Variants in NUP98 observed in about 807,000 individuals in gnomAD.
NUP98 encodes nuclear pore complex protein Nup98-Nup96.
A neutral mutation model predicts 191.9 loss-of-function variants in NUP98; 26 were observed. That is an observed-to-expected ratio of 0.14 (90% CI 0.10 to 0.19). The LOEUF (loss-of-function observed/expected upper bound fraction) is 0.19, where lower values mean the gene tolerates loss of function less well. NUP98 is among the 10% of genes least tolerant of loss of function. The probability of loss-of-function intolerance (pLI) is 1.00; values close to 1 mark genes in which losing one functional copy is unlikely to be tolerated. For missense variants in NUP98, 1,941 were observed against 2,178.8 expected (o/e 0.89, Z 2.17); for synonymous variants, 808 against 778.4 (o/e 1.04, Z -0.63).
Position 3,723,144 on chromosome 11 carries a change from A to G in NUP98, c.2146+13T>C, listed in dbSNP as rs751412280. 4.7e-5 allele frequency: 76 copies of G among 1,612,134 alleles called. No homozygotes were observed. Among genetic ancestry groups the G allele is most frequent in the Non-Finnish European group, 5.9e-5 (70 of 1,178,732 alleles). ...CTGGTAAGAGATTAAACATGCACCA[A>G]TCTGAACCTGACCTGCTGGGTGCAT... On this transcript the variant is annotated intron_variant, in intron 16 of 32. Coordinates refer to ENST00000324932, the MANE Select transcript of NUP98 (RefSeq NM_016320.5).
chr11:3,737,879 GTTT>G (rs75865492), intron 12 of NUP98, among the ~76,000 whole-genome samples: 1 of 142,418 alleles, frequency 7.0e-6, no homozygotes. Context: ...ATAAAGAAAA[GTTT>G]TTTTTTTTTT....
At chr11:3,788,626 A>T (rs1256560212) in intron 1 of NUP98, among the ~76,000 whole-genome samples, 1 of 152,040 alleles carries the variant, frequency 6.6e-6, no homozygotes, top group Non-Finnish European at 1.5e-5. Context: ...TCTAAAAGTG[A>T]AAGGATATAT....
rs1211314862 is a variant in NUP98, at chr11:3,797,490, C to CGCCGCCGCTACCACCCCTGCCACCG, written c.-144_-120dup. 1.6e-5 allele frequency: 7 copies of CGCCGCCGCTACCACCCCTGCCACCG among 433,156 alleles called. No homozygotes were observed. The highest frequency in any genetic ancestry group is 1.0e-4 in the African/African-American group (5 of 48,716). The allele number at this position is 433,156 out of a possible 1,614,324, so 26.8% of individuals were successfully genotyped here. Reference sequence around the variant, plus strand: ...CGCGCGGCCCCCACGAAACCGTCGCCGCCGCCGCTACCACCCCTGCCACCG... The same window carrying CGCCGCCGCTACCACCCCTGCCACCG: ...CGCGCGGCCCCCACGAAACCGTCGCCGCCGCCGCTACCACCCCTGCCACCGGCCGCCGCTACCACCCCTGCCACCG... On this transcript the variant is annotated 5_prime_UTR_variant, in exon 1 of 33. Transcript: ENST00000324932.
intron 28 of NUP98, among the ~76,000 whole-genome samples, chr11:3,691,030 C>T (rs1264923913): frequency 2.0e-5 from 3 of 152,114 alleles, no homozygotes; most frequent in Admixed American, 6.6e-5. Flanking sequence ...TGCAAAGGGG[C>T]ACACAGGCAT....
intron 7 of NUP98, among the ~76,000 whole-genome samples, chr11:3,769,576 A>C (rs1033838894): frequency 1.0e-4 from 8 of 76,692 alleles, no homozygotes; most frequent in African/African-American, 4.9e-4. Flanking sequence ...ATTCTGTCTC[A>C]AAAAAAAAAA....
chr11:3,791,006 C>T (rs1189756116), intron 1 of NUP98, among the ~76,000 whole-genome samples: 1 of 151,786 alleles, frequency 6.6e-6, no homozygotes, highest in African/African-American at 2.4e-5. Flanking sequence ...CGACATTCTC[C>T]TGCGTCAGCC....
At chr11:3,764,800 G>C (rs774233324) in intron 8 of NUP98, among the ~76,000 whole-genome samples, 5 of 152,156 alleles carry the variant, frequency 3.3e-5, no homozygotes, top group Admixed American at 1.3e-4. Context: ...GGCTAATCTC[G>C]AACTCCTGAC....
intron 18 of NUP98, among the ~76,000 whole-genome samples, chr11:3,718,203 T>C (rs1453703452): frequency 6.6e-6 from 1 of 152,154 alleles, no homozygotes; most frequent in Non-Finnish European, 1.5e-5. Flanking sequence ...TTCTAGGTTT[T>C]TCTTTTTTGA....
Position 3,675,741 on chromosome 11 carries a change from T to C in NUP98, c.*418A>G. The C allele has an allele frequency of 3.3e-6, 1 of 300,406 alleles. No homozygotes were observed. The highest frequency in any genetic ancestry group is 6.3e-6 in the Non-Finnish European group (1 of 159,160). 18.6% of individuals were successfully genotyped at this position (300,406 alleles called of 1,614,324 possible). A position where few individuals can be genotyped will look rare whatever the true frequency, so the allele number is the denominator to read the frequency against. On this transcript the variant is annotated 3_prime_UTR_variant, in exon 33 of 33. Coordinates refer to ENST00000324932, the MANE Select transcript of NUP98 (RefSeq NM_016320.5). ...GATAGTTCATCTGTTAAGGATCCAT[T>C]ATCACCTGTCTCACTCCTCCTAAGG...
At position 3,725,115 on chromosome 11, in the gene NUP98, T is replaced by A; in HGVS notation, c.1835A>T (p.Glu612Val). 2 of 1,497,200 alleles carry A rather than the reference T, an allele frequency of 1.3e-6. No individual in the cohort carries two copies. The highest frequency in any genetic ancestry group is 1.9e-6 in the Non-Finnish European group (2 of 1,074,624). 92.7% of individuals were successfully genotyped at this position (1,497,200 alleles called of 1,614,324 possible). A position where few individuals can be genotyped will look rare whatever the true frequency, so the allele number is the denominator to read the frequency against. Reference protein sequence around the residue: ...ENLASPSEYPENGERFSFLSK... With the variant: ...ENLASPSEYPVNGERFSFLSK... ...GAATTCAGTGTACCTCTCTCCATTT[T>A]CTGGATATTCAGATGGTGAAGCTAG... Residue 612 changes from glutamate to valine, a missense_variant, in exon 15 of 33, where the codon GAA becomes GTA. Glu to Val is a moderately radical substitution (Grantham distance 121). Around this residue, in one of 6 missense-constraint regions of NUP98, gnomAD observed 453 missense variants for 438.2 expected, o/e 1.03. Coordinates refer to ENST00000324932, the MANE Select transcript of NUP98 (RefSeq NM_016320.5).
chr11:3,733,901 C>T (rs1259605428), intron 13 of NUP98, among the ~76,000 whole-genome samples: 1 of 152,184 alleles, frequency 6.6e-6, no homozygotes, highest in Non-Finnish European at 1.5e-5. Context: ...TGCACATATT[C>T]AGCTACCTAA....
At chr11:3,795,527 A>G (rs1589999999) in intron 1 of NUP98, among the ~76,000 whole-genome samples, 3 of 152,290 alleles carry the variant, frequency 2.0e-5, no homozygotes, top group East Asian at 3.9e-4. Context: ...TCTGGGCCCC[A>G]TATTTCAGGA....
chr11:3,698,217 A>T (rs1264136714), intron 25 of NUP98, among the ~76,000 whole-genome samples: 1 of 152,226 alleles, frequency 6.6e-6, no homozygotes, highest in African/African-American at 2.4e-5. Flanking sequence ...AAAGTTCACA[A>T]GCATATGTCA....
At chr11:3,702,387 G>C (rs2078732942) in intron 23 of NUP98, 76 bp downstream of exon 23, 1 of 996,290 alleles carries the variant, frequency 1.0e-6, no homozygotes, top group Non-Finnish European at 1.5e-6. Context: ...TGACAAAGCA[G>C]GGCCCTATCC....
rs115923623 is a variant in NUP98, at chr11:3,779,997, G to C, written c.77-740C>G. Among the ~76,000 whole-genome samples, 631 of 152,244 alleles carry C rather than the reference G, an allele frequency of 4.1e-3. 2 individuals are homozygous for C. Among genetic ancestry groups the C allele is most frequent in the African/African-American group, 0.014 (593 of 41,544 alleles). ...TCAGAAAAATTAGTGACACTCCGTAGTCACTGAGATAAATGGTCTTTCATT... is the reference window on the plus strand; with the variant it reads ...TCAGAAAAATTAGTGACACTCCGTACTCACTGAGATAAATGGTCTTTCATT... On this transcript the variant is annotated intron_variant, in intron 2 of 32. Coordinates refer to ENST00000324932, the MANE Select transcript of NUP98 (RefSeq NM_016320.5).
At chr11:3,771,687 T>C in intron 7 of NUP98, 61 bp downstream of exon 7, 5 of 1,457,862 alleles carry the variant, frequency 3.4e-6, no homozygotes, top group East Asian at 2.3e-5. Context: ...ATGGCAATTA[T>C]GTTTTAGTTT....
chr11:3,706,358 T>C, intron 21 of NUP98, 87 bp downstream of exon 21: 1 of 1,258,822 alleles, frequency 7.9e-7, no homozygotes, highest in Non-Finnish European at 1.1e-6. Context: ...ATGATCTTAA[T>C]AACCAAGGAA....
At chr11:3,708,843 T>G (rs190514981) in intron 20 of NUP98, among the ~76,000 whole-genome samples, 1 of 152,298 alleles carries the variant, frequency 6.6e-6, no homozygotes, top group East Asian at 1.9e-4. Flanking sequence ...AGGACACCAT[T>G]TTAACTCTCC....
Position 3,713,957 on chromosome 11 carries a change from T to C in NUP98, c.2438A>G (p.Asp813Gly), listed in dbSNP as rs2079097157. ...CTTTATTAAACAACGAGATGTTTTA[T>C]CTGTTGGCCAAACTCCATCCAATGT... ...EVTLDGVWPT[D>G]KTSRCLIKSP... The change falls in exon 19 of 33, where the codon GAT becomes GGT. Residue 813 changes from aspartate to glycine, a missense_variant. Asp to Gly is a moderately conservative substitution (Grantham distance 94). Coordinates refer to ENST00000324932, the MANE Select transcript of NUP98 (RefSeq NM_016320.5). 1 of 1,614,126 alleles carries C rather than the reference T, an allele frequency of 6.2e-7. No individual in the cohort carries two copies. The highest frequency in any genetic ancestry group is 8.5e-7 in the Non-Finnish European group (1 of 1,180,010).
Sources: gnomAD v4.1 joint callset for allele counts (sites outside exome capture counted in the v4.1 genomes callset) on GRCh38, gnomAD v4.1.1 for gene constraint, gnomAD v4.1.1 regional missense constraint, MANE v1.5 for transcripts, NCBI Gene and HGNC (gene_info 2026-07-23, HGNC 2026-07-21) for gene names.